LRRC4C: variants seen among roughly 807,000 people sequenced by gnomAD.
LRRC4C encodes the protein leucine rich repeat containing 4C.
In LRRC4C, 5 loss-of-function variants were observed where a neutral mutation model predicts 33.6. The observed-to-expected ratio is 0.15, with a 90% CI of 0.08 to 0.31. LRRC4C has a LOEUF of 0.31. Among genes scored for constraint, LRRC4C ranks in the 10% least tolerant of loss-of-function variants. The probability of loss-of-function intolerance (pLI) is 1.00; values close to 1 mark genes in which losing one functional copy is unlikely to be tolerated. For missense variants in LRRC4C, 560 were observed against 796.7 expected, an observed-to-expected ratio of 0.70 and a Z score of 3.58; for synonymous variants, 329 against 302.0, an observed-to-expected ratio of 1.09 and a Z score of -0.93.
chr11:40,960,129 A>C (rs1850877751), intron 1 of LRRC4C, among the ~76,000 whole-genome samples: 1 of 151,294 alleles, frequency 6.6e-6, no homozygotes, highest in Non-Finnish European at 1.5e-5. Flanking sequence ...AAAAGGAAGG[A>C]AGGAGGGAAG....
At chr11:40,522,153 G>C (rs948623018) in intron 3 of LRRC4C, among the ~76,000 whole-genome samples, 1 of 152,146 alleles carries the variant, frequency 6.6e-6, no homozygotes, top group Non-Finnish European at 1.5e-5. Context: ...CTCCCAAGTA[G>C]CTTGGGATTA....
chr11:41,090,594 T>C (rs1460684279), intron 1 of LRRC4C, among the ~76,000 whole-genome samples: 1 of 152,094 alleles, frequency 6.6e-6, no homozygotes, highest in Non-Finnish European at 1.5e-5. Context: ...TGCCACTTAG[T>C]AGCAAATGTG....
At chr11:40,752,865 A>G (rs1948761233) in intron 2 of LRRC4C, among the ~76,000 whole-genome samples, 1 of 152,138 alleles carries the variant, frequency 6.6e-6, no homozygotes, top group Non-Finnish European at 1.5e-5. Flanking sequence ...ATACGGAATC[A>G]ACCTAAGTAT....
At chr11:41,028,389 A>C (rs1468220462) in intron 1 of LRRC4C, among the ~76,000 whole-genome samples, 2 of 151,596 alleles carry the variant, frequency 1.3e-5, no homozygotes, top group Non-Finnish European at 3.0e-5. Context: ...TTAATCTGCA[A>C]ATGTATACTC....
rs368401928 is a variant in LRRC4C, at chr11:40,833,163, G to A, written c.-407+100472C>T. 3.4e-4 allele frequency among the ~76,000 whole-genome samples: 52 copies of A among 152,094 alleles called. 2 individuals are homozygous for A. In the South Asian group the frequency reaches 5.2e-3, roughly 15 times the overall value. On this transcript the variant is annotated intron_variant, in intron 2 of 6. Coordinates refer to ENST00000528697, the MANE Select transcript of LRRC4C (RefSeq NM_001258419.2). ...TGACTTGCTACTCATTTAATATTCC[G>A]TGTGATAAAAACTTCCCAAACTCTG...
At chr11:40,622,734 T>G (rs1319161974) in intron 3 of LRRC4C, among the ~76,000 whole-genome samples, 1 of 151,880 alleles carries the variant, frequency 6.6e-6, no homozygotes, top group Non-Finnish European at 1.5e-5. Context: ...AGGTCCACTG[T>G]TTTCTAAATA....
At chr11:40,789,368 C>T (rs933601074) in intron 2 of LRRC4C, among the ~76,000 whole-genome samples, 1 of 152,072 alleles carries the variant, frequency 6.6e-6, no homozygotes, top group African/African-American at 2.4e-5. Context: ...TGTACATAGT[C>T]GATTGCACAT....
intron 4 of LRRC4C, among the ~76,000 whole-genome samples, chr11:40,315,835 C>T (rs1320544947): frequency 1.3e-5 from 2 of 152,030 alleles, no homozygotes; most frequent in East Asian, 1.9e-4. Context: ...TAAAAATGCT[C>T]CTTCTCTAAA....
At chr11:40,343,659 C>A (rs189063022) in intron 3 of LRRC4C, among the ~76,000 whole-genome samples, 1 of 105,046 alleles carries the variant, frequency 9.5e-6, no homozygotes. Flanking sequence ...TCTCTAAATT[C>A]TAGACAAAAA....
intron 3 of LRRC4C, among the ~76,000 whole-genome samples, chr11:40,408,505 G>T (rs1950041605): frequency 6.6e-6 from 1 of 151,686 alleles, no homozygotes; most frequent in Non-Finnish European, 1.5e-5. Flanking sequence ...GACCTCTCTA[G>T]TGAAACTGGA....
chr11:40,776,519 G>C (rs186087650), intron 2 of LRRC4C, among the ~76,000 whole-genome samples: 1 of 152,168 alleles, frequency 6.6e-6, no homozygotes, highest in East Asian at 1.9e-4. Flanking sequence ...TCTTTGCATA[G>C]AGGTGTTCAT....
intron 1 of LRRC4C, among the ~76,000 whole-genome samples, chr11:41,429,359 A>G (rs1474305407): frequency 6.6e-6 from 1 of 152,172 alleles, no homozygotes; most frequent in Non-Finnish European, 1.5e-5. Context: ...GGACTAATAC[A>G]GGACTGATGT....
At chr11:41,208,185 G>A (rs957532182) in intron 1 of LRRC4C, among the ~76,000 whole-genome samples, 1 of 152,186 alleles carries the variant, frequency 6.6e-6, no homozygotes, top group African/African-American at 2.4e-5. Flanking sequence ...AGGCAATCAT[G>A]TGATAAAGTG....
intron 1 of LRRC4C, among the ~76,000 whole-genome samples, chr11:41,125,084 A>G (rs975994953): frequency 3.3e-5 from 5 of 152,186 alleles, no homozygotes; most frequent in African/African-American, 1.2e-4. Context: ...AAGGAAAACA[A>G]CTATTATATA....
intron 3 of LRRC4C, among the ~76,000 whole-genome samples, chr11:40,477,407 C>A (rs1953292963): frequency 6.6e-6 from 1 of 152,134 alleles, no homozygotes; most frequent in Non-Finnish European, 1.5e-5. Flanking sequence ...GAGGGATGAT[C>A]TGGCTTTGGT....
At chr11:40,630,332 CTT>C (rs1963352945) in intron 3 of LRRC4C, among the ~76,000 whole-genome samples, 1 of 7,286 alleles carries the variant, frequency 1.4e-4, no homozygotes, top group Admixed American at 1.7e-3. Flanking sequence ...TCTTCTTCCT[CTT>C]CTTCTTCTTC....
chr11:40,460,730 C>T (rs112107387), intron 3 of LRRC4C, among the ~76,000 whole-genome samples: 18 of 152,210 alleles, frequency 1.2e-4, no homozygotes, highest in African/African-American at 4.3e-4. Flanking sequence ...CAAGATGCTC[C>T]ACGAAGACAG....
rs141523924 is a variant in LRRC4C at position 40,273,100 on chromosome 11, C to G, written c.-175-31502G>C. On this transcript the variant is annotated intron_variant, in intron 4 of 6. Coordinates refer to ENST00000528697, the MANE Select transcript of LRRC4C (RefSeq NM_001258419.2). ...GATAAATTAAGTCTTGCTTTAAATA[C>G]ACTTTAAGCTTTAAATGTTCACTAT... 1.5e-3 allele frequency among the ~76,000 whole-genome samples: 232 copies of G among 152,246 alleles called. 1 individual carries two copies. Among genetic ancestry groups the G allele is most frequent in the Non-Finnish European group, 2.6e-3 (179 of 67,992 alleles).
At chr11:41,170,090 C>T (rs183953791) in intron 1 of LRRC4C, among the ~76,000 whole-genome samples, 1 of 152,094 alleles carries the variant, frequency 6.6e-6, no homozygotes, top group Admixed American at 6.6e-5. Flanking sequence ...AAATTTTACA[C>T]ACATACTGAA....
Sources: gnomAD v4.1 joint callset for allele counts (sites outside exome capture counted in the v4.1 genomes callset) on GRCh38, gnomAD v4.1.1 for gene constraint, MANE v1.5 for transcripts, NCBI Gene and HGNC (gene_info 2026-07-23, HGNC 2026-07-21) for gene names.